ANKRD30A: variants seen among roughly 807,000 people sequenced by gnomAD.
The protein encoded by ANKRD30A is ankyrin repeat domain-containing protein 30A.
In ANKRD30A, 170 loss-of-function variants were observed where a neutral mutation model predicts 166.3. The ratio of observed to expected loss-of-function variants is 1.02; its 90% CI spans 0.90 to 1.16. The LOEUF (loss-of-function observed/expected upper bound fraction) is 1.16, where lower values mean the gene tolerates loss of function less well. Ranked by LOEUF, ANKRD30A falls within the 50% of genes most tolerant of loss-of-function variation. ANKRD30A has a pLI of 0.00. For missense variants in ANKRD30A, 1,630 were observed against 1,518.0 expected (o/e 1.07, Z -1.23); for synonymous variants, 564 against 508.9 (o/e 1.11, Z -1.46).
rs188573808 is a variant in ANKRD30A at position 37,216,217 on chromosome 10, A to T, written c.2906A>T (p.His969Leu). The change falls in exon 32 of 36, where the codon CAT (histidine) becomes CTT (leucine). Residue 969 changes from histidine (H) to leucine (L), a missense_variant. Coordinates refer to ENST00000361713, the MANE Select transcript of ANKRD30A (RefSeq NM_052997.3). The part of the protein sequence containing the change: ...TSLSKILDTV[H>L]SCERARELQK... Reference sequence around the variant, plus strand: ...CTATCAAAAATCTTGGATACAGTTCATTCTTGTGAAAGAGCAAGGGAACTT... The same window carrying T: ...CTATCAAAAATCTTGGATACAGTTCTTTCTTGTGAAAGAGCAAGGGAACTT... 1.2e-6 allele frequency: 2 copies of T among 1,606,244 alleles called. No individual in the cohort carries two copies. The highest frequency in any genetic ancestry group is 2.2e-5 in the South Asian group (2 of 90,800).
rs1391145497 is a variant in ANKRD30A at position 37,149,814 on chromosome 10, C to A, written c.1610C>A (p.Ala537Asp). The A allele has an allele frequency of 1.2e-6, 2 of 1,612,782 alleles. No homozygotes were observed. ...IEMQNSVPNK[A>D]FELKNEQTLR... ...ATGCAAAACTCTGTTCCAAATAAAG[C>A]CTTTGAATTGAAGAATGAACAAACA... is the stretch of plus-strand genomic sequence containing the variant. Residue 537 changes from alanine (A) to aspartate (D), a missense_variant, in exon 11 of 36, where the codon GCC becomes GAC. Ala to Asp is a moderately radical substitution (Grantham distance 126). Around this residue, in one of 4 missense-constraint regions of ANKRD30A, gnomAD observed 904 missense variants for 818.5 expected, o/e 1.10. Coordinates refer to ENST00000361713, the MANE Select transcript of ANKRD30A (RefSeq NM_052997.3).
At chr10:37,192,563 C>A (rs1840687514) in intron 25 of ANKRD30A, among the ~76,000 whole-genome samples, 2 of 152,158 alleles carry the variant, frequency 1.3e-5, no homozygotes, top group East Asian at 3.9e-4. Context: ...TTTGAACTCT[C>A]ATCACAACTT....
At chr10:37,153,274 T>G (rs1838097027) in intron 12 of ANKRD30A, among the ~76,000 whole-genome samples, 2 of 152,220 alleles carry the variant, frequency 1.3e-5, no homozygotes, top group South Asian at 4.1e-4. Flanking sequence ...TAGATATTTT[T>G]AAGAGAGATA....
the ANKRD30A span, among the ~76,000 whole-genome samples, chr10:37,244,504 T>C: frequency 1.3e-5 from 2 of 152,230 alleles, no homozygotes; most frequent in Admixed American, 1.3e-4. Context: ...ATGGCATTAT[T>C]CAAGGACCTG....
chr10:37,238,726 A>G, the ANKRD30A span, among the ~76,000 whole-genome samples: 1 of 152,186 alleles, frequency 6.6e-6, no homozygotes, highest in African/African-American at 2.4e-5. Flanking sequence ...AGATAATAGC[A>G]TTACCTTAGT....
intron 11 of ANKRD30A, among the ~76,000 whole-genome samples, chr10:37,150,372 GGTACC>G (rs1837836879): frequency 6.6e-6 from 1 of 151,680 alleles, no homozygotes; most frequent in Non-Finnish European, 1.5e-5. Context: ...TTATGTGTTT[GGTACC>G]TTTACCTTGT....
intron 6 of ANKRD30A, among the ~76,000 whole-genome samples, chr10:37,140,720 A>T (rs1837038364): frequency 6.6e-6 from 1 of 152,210 alleles, no homozygotes. Flanking sequence ...ACAAATTATA[A>T]TGAAGTTAGA....
rs149507768 is a variant in ANKRD30A, at chr10:37,196,813, G to A, written c.2615-468G>A. On this transcript the variant is annotated intron_variant, in intron 27 of 35. Transcript: ENST00000361713. ...ATTCATTTTAAGTATTATGACCTAA[G>A]TGTATATCCAAGCTGATCAATTCAA... 1.1e-3 allele frequency among the ~76,000 whole-genome samples: 170 copies of A among 152,250 alleles called. 1 individual carries two copies. Among genetic ancestry groups the A allele is most frequent in the Admixed American group, 2.0e-3 (30 of 15,288 alleles).
the ANKRD30A span, among the ~76,000 whole-genome samples, chr10:37,263,073 T>G: frequency 1.6e-4 from 25 of 152,286 alleles, no homozygotes; most frequent in South Asian, 5.2e-3. Context: ...GTTCCATCAT[T>G]TATTTCAGCA....
At chr10:37,254,421 A>C in the ANKRD30A span, among the ~76,000 whole-genome samples, 2 of 152,124 alleles carry the variant, frequency 1.3e-5, no homozygotes, top group African/African-American at 4.8e-5. Flanking sequence ...TTGGGTGTTA[A>C]GTGATGTCTC....
chr10:37,208,595 A>G (rs1453073106), intron 31 of ANKRD30A, among the ~76,000 whole-genome samples: 1 of 152,098 alleles, frequency 6.6e-6, no homozygotes, highest in East Asian at 1.9e-4. Context: ...TTCTGCAGCA[A>G]ATTGAGGGCC....
intron 19 of ANKRD30A, 118 bp downstream of exon 19, chr10:37,166,813 A>T: frequency 1.4e-6 from 2 of 1,413,214 alleles, no homozygotes; most frequent in Non-Finnish European, 1.9e-6. Context: ...ATGGAAAAAA[A>T]GAGAAGTGCA....
At chr10:37,179,050 A>G (rs1281377209) in intron 24 of ANKRD30A, among the ~76,000 whole-genome samples, 14 of 137,758 alleles carry the variant, frequency 1.0e-4, no homozygotes, top group African/African-American at 3.3e-4. Flanking sequence ...ATATATATAT[A>G]TATATATATA....
chr10:37,203,482 A>G (rs750872050), intron 31 of ANKRD30A, among the ~76,000 whole-genome samples: 2 of 152,236 alleles, frequency 1.3e-5, no homozygotes, highest in Non-Finnish European at 2.9e-5. Context: ...GATGGGATGT[A>G]TCTCAAAATA....
chr10:37,152,160 G>C, intron 12 of ANKRD30A, 39 bp downstream of exon 12: 1 of 1,485,696 alleles, frequency 6.7e-7, no homozygotes, highest in Non-Finnish European at 9.3e-7. Context: ...TATTAGTATT[G>C]CATGATATGA....
At position 37,141,881 on chromosome 10, in the gene ANKRD30A, T is replaced by C; in HGVS notation, c.984T>C (p.Ala328=). The change falls in exon 7 of 36, where the codon GCT becomes GCC. Residue 328 remains alanine, a synonymous_variant. Coordinates refer to ENST00000361713, the MANE Select transcript of ANKRD30A (RefSeq NM_052997.3). ...TGGTGGAAAAAACACCTGATGAGGCTGCATCCTTGGTGGAGGGAACATCTG... is the reference window on the plus strand; with the variant it reads ...TGGTGGAAAAAACACCTGATGAGGCCGCATCCTTGGTGGAGGGAACATCTG... The part of the protein sequence containing the change: ...ESLVEKTPDE[A]ASLVEGTSDK... 6.2e-7 allele frequency: 1 copy of C among 1,614,120 alleles called. No homozygotes were observed. Among genetic ancestry groups the C allele is most frequent in the Non-Finnish European group, 8.5e-7 (1 of 1,180,016 alleles).
chr10:37,217,526 T>C (rs913559721), intron 32 of ANKRD30A, among the ~76,000 whole-genome samples, 169 bp from the exon 33 acceptor site: 1 of 150,918 alleles, frequency 6.6e-6, no homozygotes, highest in African/African-American at 2.4e-5. Context: ...CAAGTATGTA[T>C]GTCATTTGGA....
At chr10:37,161,609 G>C (rs893848407) in intron 15 of ANKRD30A, among the ~76,000 whole-genome samples, 7 of 152,200 alleles carry the variant, frequency 4.6e-5, no homozygotes, top group Non-Finnish European at 1.0e-4. Context: ...TTGTACTCCA[G>C]AATGTAGACT....
chr10:37,163,190 C>T (rs1351215203), intron 17 of ANKRD30A, among the ~76,000 whole-genome samples: 1 of 134,674 alleles, frequency 7.4e-6, no homozygotes, highest in African/African-American at 2.8e-5. Flanking sequence ...ATTCAAATTC[C>T]ACGGTTTACT....
Sources: gnomAD v4.1 joint callset for allele counts (sites outside exome capture counted in the v4.1 genomes callset) on GRCh38, gnomAD v4.1.1 for gene constraint, gnomAD v4.1.1 regional missense constraint, MANE v1.5 for transcripts, NCBI Gene and HGNC (gene_info 2026-07-23, HGNC 2026-07-21) for gene names.